DAAM1: variants seen among roughly 807,000 people sequenced by gnomAD.
The protein encoded by DAAM1 is dishevelled associated activator of morphogenesis 1.
In DAAM1, 52 loss-of-function variants were observed where a neutral mutation model predicts 130.0. That is an observed-to-expected ratio of 0.40 (90% CI 0.32 to 0.50). The LOEUF (loss-of-function observed/expected upper bound fraction) is 0.50, where lower values mean the gene tolerates loss of function less well. DAAM1 is among the 20% of genes least tolerant of loss of function. The pLI is 0.61. For missense variants in DAAM1, 1,134 were observed against 1,303.8 expected, an observed-to-expected ratio of 0.87 and a Z score of 2.01; for synonymous variants, 452 against 444.5, an observed-to-expected ratio of 1.02 and a Z score of -0.21.
At chr14:59,217,731 G>A (rs1888632014) in intron 1 of DAAM1, among the ~76,000 whole-genome samples, 1 of 152,086 alleles carries the variant, frequency 6.6e-6, no homozygotes, top group Middle Eastern at 3.2e-3. Flanking sequence ...CCAGCACTTT[G>A]AGAGGCCAAG....
chr14:59,253,621 T>C (rs1033945914), intron 1 of DAAM1, among the ~76,000 whole-genome samples: 3 of 152,240 alleles, frequency 2.0e-5, no homozygotes, highest in African/African-American at 7.2e-5. Context: ...AGAGCCATTT[T>C]TCTCCACAGA....
intron 20 of DAAM1, among the ~76,000 whole-genome samples, chr14:59,356,078 C>T (rs1226803196): frequency 2.6e-5 from 4 of 152,148 alleles, no homozygotes; most frequent in Non-Finnish European, 4.4e-5. Flanking sequence ...GGTCATTAGG[C>T]ATATTAACTT....
At chr14:59,250,186 CAG>C (rs1282345697) in intron 1 of DAAM1, among the ~76,000 whole-genome samples, 4 of 152,184 alleles carry the variant, frequency 2.6e-5, no homozygotes, top group South Asian at 2.1e-4. Context: ...TAGTGAACTA[CAG>C]AGTCTCTTAA....
intron 4 of DAAM1, among the ~76,000 whole-genome samples, chr14:59,318,143 A>G (rs182419443): frequency 6.6e-6 from 1 of 152,094 alleles, no homozygotes; most frequent in Admixed American, 6.5e-5. Flanking sequence ...AGTGTGGCCT[A>G]ACATCTAGAA....
In DAAM1 at chr14:59,369,048, G is replaced by A. The variant is rs1191876844; in HGVS notation, c.*189G>A. 3 of 575,826 alleles carry A rather than the reference G, an allele frequency of 5.2e-6. No individual in the cohort carries two copies. The highest frequency in any genetic ancestry group is 1.9e-5 in the African/African-American group (1 of 53,154). 35.7% of individuals were successfully genotyped at this position (575,826 alleles called of 1,614,324 possible). On this transcript the variant is annotated 3_prime_UTR_variant, in exon 25 of 25. Transcript: ENST00000360909. ...AAATGTATATAGATGTCTGAGTGTT[G>A]TCTGGAGACCTATACGTATGGTTAA... is the stretch of plus-strand genomic sequence containing the variant.
chr14:59,271,886 C>T (rs147882272), intron 2 of DAAM1, among the ~76,000 whole-genome samples: 5 of 152,094 alleles, frequency 3.3e-5, no homozygotes, highest in Non-Finnish European at 5.9e-5. Context: ...TAGAAAGTAA[C>T]CTACAGGAGC....
At chr14:59,301,685 A>C (rs2139583159) in intron 3 of DAAM1, among the ~76,000 whole-genome samples, 1 of 152,272 alleles carries the variant, frequency 6.6e-6, no homozygotes, top group Non-Finnish European at 1.5e-5. Context: ...TTCTTCCTCT[A>C]GCCAAAGCAA....
At chr14:59,344,559 C>A (rs967841201) in intron 16 of DAAM1, among the ~76,000 whole-genome samples, 2 of 152,190 alleles carry the variant, frequency 1.3e-5, no homozygotes, top group East Asian at 1.9e-4. Flanking sequence ...GGCGGGGTAC[C>A]TTTCTCCCCT....
chr14:59,278,723 C>T (rs1322407085), intron 2 of DAAM1, among the ~76,000 whole-genome samples: 2 of 152,118 alleles, frequency 1.3e-5, no homozygotes. Flanking sequence ...AAATGGAATA[C>T]ACACTAATAT....
chr14:59,252,844 A>G (rs1881708160), intron 1 of DAAM1, among the ~76,000 whole-genome samples: 1 of 152,226 alleles, frequency 6.6e-6, no homozygotes, highest in African/African-American at 2.4e-5. Context: ...TTTAACCTTT[A>G]GACTATGCCT....
chr14:59,222,273 A>G (rs1302706543), intron 1 of DAAM1, among the ~76,000 whole-genome samples: 1 of 152,232 alleles, frequency 6.6e-6, no homozygotes, highest in East Asian at 1.9e-4. Flanking sequence ...GATGGTGAAT[A>G]GGGCATTCTG....
intron 2 of DAAM1, 197 bp downstream of exon 2, chr14:59,263,857 A>G (rs1882303595): frequency 3.0e-6 from 2 of 664,958 alleles, no homozygotes; most frequent in Non-Finnish European, 5.2e-6. Context: ...TAGTATTACT[A>G]CATCCAAGTG....
rs912729512 is a variant in DAAM1 at position 59,370,678 on chromosome 14, G to T, written c.*1819G>T. ...AAACAGTCATAAATACAAAGCAGAG[G>T]TTGCACTCCCCCAATCCCGAGTTAA... On this transcript the variant is annotated 3_prime_UTR_variant, in exon 25 of 25. Transcript: ENST00000360909. The T allele has an allele frequency of 3.9e-5, 6 of 152,204 alleles. No homozygotes were observed. Among genetic ancestry groups the T allele is most frequent in the East Asian group, 1.9e-4 (1 of 5,180 alleles). The allele number at this position is 152,204 out of a possible 1,614,324, so 9.4% of individuals were successfully genotyped here.
chr14:59,217,747 CG>C (rs1888632922), intron 1 of DAAM1, among the ~76,000 whole-genome samples: 2 of 151,792 alleles, frequency 1.3e-5, no homozygotes, highest in Non-Finnish European at 2.9e-5. Flanking sequence ...CCAAGGCGGG[CG>C]GATCACAAGG....
chr14:59,225,800 C>G (rs549654109), intron 1 of DAAM1, among the ~76,000 whole-genome samples: 2 of 152,294 alleles, frequency 1.3e-5, no homozygotes, highest in Admixed American at 6.5e-5. Flanking sequence ...TTGTCCCTGA[C>G]TACTGAGAGG....
chr14:59,355,741 A>C (rs543923245), intron 20 of DAAM1, among the ~76,000 whole-genome samples: 7 of 152,312 alleles, frequency 4.6e-5, no homozygotes, highest in African/African-American at 1.2e-4. Context: ...CAGCGCCCAG[A>C]TCAAGGACAG....
At chr14:59,313,383 T>C (rs1261038816) in intron 3 of DAAM1, among the ~76,000 whole-genome samples, 1 of 152,268 alleles carries the variant, frequency 6.6e-6, no homozygotes, top group Non-Finnish European at 1.5e-5. Flanking sequence ...TGAAGCCTTC[T>C]TCCCCTTATT....
chr14:59,288,832 GGAGAGAGA>G (rs58762540), intron 2 of DAAM1, among the ~76,000 whole-genome samples: 130 of 143,986 alleles, frequency 9.0e-4, no homozygotes, highest in African/African-American at 2.8e-3. Flanking sequence ...TGTGATAGCA[GGAGAGAGA>G]GAGAGAGAGA....
chr14:59,343,011 C>T (rs1885912985), intron 16 of DAAM1, among the ~76,000 whole-genome samples: 1 of 152,130 alleles, frequency 6.6e-6, no homozygotes, highest in African/African-American at 2.4e-5. Flanking sequence ...TTTATAAGGG[C>T]ATGAGTCAGC....
Sources: gnomAD v4.1 joint callset for allele counts (sites outside exome capture counted in the v4.1 genomes callset) on GRCh38, gnomAD v4.1.1 for gene constraint, MANE v1.5 for transcripts, NCBI Gene and HGNC (gene_info 2026-07-23, HGNC 2026-07-21) for gene names.